HSD17B12: variants seen among roughly 807,000 people sequenced by gnomAD.
The protein encoded by HSD17B12 is hydroxysteroid 17-beta dehydrogenase 12.
HSD17B12 carries 32 observed loss-of-function variants against 39.3 expected under a neutral mutation model. The observed-to-expected ratio is 0.81, with a 90% CI of 0.61 to 1.09. The LOEUF is 1.09. Among genes scored for constraint, HSD17B12 ranks in the 50% least tolerant of loss-of-function variants. The pLI, the probability that HSD17B12 is intolerant of heterozygous loss-of-function variation, is 0.00. For missense variants in HSD17B12, 342 were observed against 382.9 expected (o/e 0.89, Z 0.89); for synonymous variants, 150 against 146.7 (o/e 1.02, Z -0.16).
intron 8 of HSD17B12, 34 bp downstream of exon 8, chr11:43,838,432 G>A (rs987776901): frequency 1.4e-6 from 2 of 1,397,516 alleles, no homozygotes; most frequent in Admixed American, 1.7e-5. Flanking sequence ...TGTCAATATA[G>A]TAATAAGGGG....
the HSD17B12 span, among the ~76,000 whole-genome samples, chr11:43,630,325 C>T: frequency 6.6e-6 from 1 of 152,172 alleles, no homozygotes. Flanking sequence ...TCTAAGTCTT[C>T]TTGTAGCTTT....
intron 1 of HSD17B12, among the ~76,000 whole-genome samples, chr11:43,745,273 C>T (rs746513515): frequency 6.6e-6 from 1 of 152,156 alleles, no homozygotes; most frequent in African/African-American, 2.4e-5. Flanking sequence ...AACATGGATA[C>T]GCACATGCAA....
chr11:43,646,837 T>C, the HSD17B12 span, among the ~76,000 whole-genome samples: 1 of 152,212 alleles, frequency 6.6e-6, no homozygotes, highest in African/African-American at 2.4e-5. Context: ...TGTGAAATGT[T>C]TTGTGTAATA....
At chr11:43,601,745 T>C in the HSD17B12 span, among the ~76,000 whole-genome samples, 3 of 152,206 alleles carry the variant, frequency 2.0e-5, no homozygotes, top group Non-Finnish European at 4.4e-5. Flanking sequence ...CTTTGAATAC[T>C]TCCTCTGTTT....
chr11:43,834,456 G>A (rs976553441), intron 7 of HSD17B12, among the ~76,000 whole-genome samples: 1 of 151,736 alleles, frequency 6.6e-6, no homozygotes, highest in East Asian at 1.9e-4. Flanking sequence ...CTGCAGTTCC[G>A]GTTCCTCATA....
the HSD17B12 span, chr11:43,559,506 A>C: frequency 6.5e-6 from 1 of 154,032 alleles, no homozygotes; most frequent in Non-Finnish European, 1.5e-5. Context: ...ATGTGCAAAA[A>C]CCACAACAGT....
At chr11:43,753,142 T>C (rs936383626) in intron 2 of HSD17B12, among the ~76,000 whole-genome samples, 10 of 152,196 alleles carry the variant, frequency 6.6e-5, no homozygotes, top group African/African-American at 2.4e-4. Context: ...TAACCACATT[T>C]GTGTAAATCT....
upstream of HSD17B12, chr11:43,680,441 T>C (rs1949730082): frequency 4.0e-6 from 1 of 248,538 alleles, no homozygotes; most frequent in Non-Finnish European, 8.1e-6. Flanking sequence ...TCTTCGAACC[T>C]GAGCTCAAAC....
chr11:43,806,368 T>G (rs1951017956), intron 4 of HSD17B12: 2 of 152,174 alleles, frequency 1.3e-5, no homozygotes, highest in African/African-American at 4.8e-5. Flanking sequence ...ACTCAATATA[T>G]TGAAGAGATA....
chr11:43,780,342 A>G (rs552915496), intron 3 of HSD17B12, among the ~76,000 whole-genome samples: 2 of 151,978 alleles, frequency 1.3e-5, no homozygotes, highest in African/African-American at 2.4e-5. Context: ...ATTTTTTTAT[A>G]TTTTTAGTAC....
At chr11:43,686,194 G>A (rs1949797031) in intron 1 of HSD17B12, among the ~76,000 whole-genome samples, 2 of 152,066 alleles carry the variant, frequency 1.3e-5, no homozygotes, top group Admixed American at 6.6e-5. Context: ...ATAGATACCT[G>A]TTCTTACTGG....
intron 3 of HSD17B12, among the ~76,000 whole-genome samples, chr11:43,759,242 G>A (rs1950536913): frequency 6.6e-6 from 1 of 152,040 alleles, no homozygotes; most frequent in African/African-American, 2.4e-5. Context: ...ATAAACTTGG[G>A]CACTTTATAT....
intron 1 of HSD17B12, among the ~76,000 whole-genome samples, chr11:43,693,447 T>G (rs1048947343): frequency 6.6e-6 from 1 of 152,162 alleles, no homozygotes; most frequent in Non-Finnish European, 1.5e-5. Flanking sequence ...TTTTAGCCCT[T>G]AAGGATGCCA....
At chr11:43,661,927 A>T in the HSD17B12 span, among the ~76,000 whole-genome samples, 1 of 152,248 alleles carries the variant, frequency 6.6e-6, no homozygotes, top group Non-Finnish European at 1.5e-5. Context: ...GAACAAAAAT[A>T]ATTCACTATC....
intron 3 of HSD17B12, among the ~76,000 whole-genome samples, chr11:43,777,326 C>G (rs1950716642): frequency 6.6e-6 from 1 of 152,084 alleles, no homozygotes; most frequent in South Asian, 2.1e-4. Flanking sequence ...CTTCACATCC[C>G]TTGTAAGTTG....
intron 9 of HSD17B12, chr11:43,853,337 CAAAAAAAAAAAAA>C (rs60722479): frequency 0.093 from 8,667 of 93,416 alleles, 293 homozygotes; most frequent in African/African-American, 0.12. Flanking sequence ...GACTCTGTCT[CAAAAAAAAAAAAA>C]AAAAAAAAAA....
intron 4 of HSD17B12, 74 bp downstream of exon 4, chr11:43,798,501 G>A (rs1950935117): frequency 2.2e-6 from 2 of 898,322 alleles, no homozygotes; most frequent in African/African-American, 1.7e-5. Flanking sequence ...ATGTTAAGTG[G>A]TAAAATGACT....
At chr11:43,836,336 A>T (rs1951370317) in intron 7 of HSD17B12, among the ~76,000 whole-genome samples, 1 of 152,186 alleles carries the variant, frequency 6.6e-6, no homozygotes, top group South Asian at 2.1e-4. Flanking sequence ...ACCTACAAGG[A>T]TGCTTAGGAT....
intron 3 of HSD17B12, among the ~76,000 whole-genome samples, chr11:43,779,812 G>A (rs1950746941): frequency 6.6e-6 from 1 of 152,184 alleles, no homozygotes; most frequent in Non-Finnish European, 1.5e-5. Flanking sequence ...TCCACATGAT[G>A]CATTACCGCT....
Sources: gnomAD v4.1 joint callset for allele counts (sites outside exome capture counted in the v4.1 genomes callset) on GRCh38, gnomAD v4.1.1 for gene constraint, MANE v1.5 for transcripts, NCBI Gene and HGNC (gene_info 2026-07-23, HGNC 2026-07-21) for gene names.